FUBP1: variants seen among roughly 807,000 people sequenced by gnomAD.
The protein encoded by FUBP1 is far upstream element binding protein 1.
A neutral mutation model predicts 94.9 loss-of-function variants in FUBP1; 16 were observed. That is an observed-to-expected ratio of 0.17 (90% CI 0.11 to 0.26). The LOEUF (loss-of-function observed/expected upper bound fraction) is 0.26, where lower values mean the gene tolerates loss of function less well. Among genes scored for constraint, FUBP1 ranks in the 10% least tolerant of loss-of-function variants. The pLI, the probability that FUBP1 is intolerant of heterozygous loss-of-function variation, is 1.00. For synonymous variants in FUBP1, 279 were observed against 254.9 expected (o/e 1.09, Z -0.90); for missense variants, 583 against 808.6 (o/e 0.72, Z 3.38).
At chr1:77,966,570 G>A (rs1339259313) in intron 7 of FUBP1, 124 bp downstream of exon 7, 10 of 645,918 alleles carry the variant, frequency 1.5e-5, no homozygotes, top group Non-Finnish European at 2.8e-5. Flanking sequence ...GGAGTTGGAG[G>A]ACTTTGAGGG....
In FUBP1 at chr1:77,968,221, T is replaced by A; in HGVS notation, c.212-18A>T. The A allele has an allele frequency of 6.6e-7, 1 of 1,506,192 alleles. No individual in the cohort carries two copies. Among genetic ancestry groups the A allele is most frequent in the Non-Finnish European group, 8.9e-7 (1 of 1,119,384 alleles). The allele number at this position is 1,506,192 out of a possible 1,614,324, so 93.3% of individuals were successfully genotyped here. A position where few individuals can be genotyped will look rare whatever the true frequency, so the allele number is the denominator to read the frequency against. On this transcript the variant is annotated intron_variant, in intron 2 of 19. Coordinates refer to ENST00000370768, the MANE Select transcript of FUBP1 (RefSeq NM_003902.5). Reference sequence around the variant, plus strand: ...TGGTTGATCTGCAAAATTAAGTGTCTTTTAATTTTTTGCCAATTAAGTACA... The same window carrying A: ...TGGTTGATCTGCAAAATTAAGTGTCATTTAATTTTTTGCCAATTAAGTACA...
intron 19 of FUBP1, 89 bp from the exon 20 acceptor site, chr1:77,948,863 G>A (rs1166309377): frequency 6.4e-7 from 1 of 1,565,932 alleles, no homozygotes; most frequent in Non-Finnish European, 8.8e-7. Flanking sequence ...CTTTAAGAAA[G>A]AAAAAGTGGT....
upstream of FUBP1, chr1:77,979,419 G>T (rs1659408930): frequency 5.6e-6 from 1 of 180,148 alleles, no homozygotes; most frequent in Non-Finnish European, 1.2e-5. Flanking sequence ...CAGGGAGGTA[G>T]TGCGGTAGAA....
chr1:77,973,862 T>A (rs1375995350), intron 1 of FUBP1, among the ~76,000 whole-genome samples: 3 of 152,236 alleles, frequency 2.0e-5, no homozygotes, highest in Non-Finnish European at 4.4e-5. Flanking sequence ...TAATTTTTTT[T>A]AAATTTGCCC....
chr1:77,963,336 CTAA>C lies in FUBP1; in HGVS notation c.1183+235_1183+237del, dbSNP rs368986154. Among the ~76,000 whole-genome samples, 810 of 152,246 alleles carry C rather than the reference CTAA, an allele frequency of 5.3e-3. 4 individuals carry two copies. Among genetic ancestry groups the C allele is most frequent in the South Asian group, 0.023 (111 of 4,826 alleles). On this transcript the variant is annotated intron_variant, in intron 13 of 19. Transcript: ENST00000370768. ...TTTGGGTCAAAAGACATTTCTTATG[CTAA>C]TAATTATCTCTTAGTTCGCTTTCTC...
chr1:77,975,922 C>T (rs1176212488), intron 1 of FUBP1, among the ~76,000 whole-genome samples: 1 of 151,890 alleles, frequency 6.6e-6, no homozygotes, highest in Non-Finnish European at 1.5e-5. Flanking sequence ...ATGTCAACAA[C>T]CAGCTAGAGT....
chr1:77,969,863 C>T (rs982189119), intron 2 of FUBP1, 62 bp downstream of exon 2: 1 of 704,688 alleles, frequency 1.4e-6, no homozygotes, highest in Non-Finnish European at 2.4e-6. Flanking sequence ...CAGAAAAATA[C>T]CGAGAATCAC....
In FUBP1 at chr1:77,967,684, A is replaced by G; in HGVS notation, c.251-18T>C. 1 of 1,478,924 alleles carries G rather than the reference A, an allele frequency of 6.8e-7. No individual in the cohort carries two copies. The highest frequency in any genetic ancestry group is 9.3e-7 in the Non-Finnish European group (1 of 1,070,486). The allele number at this position is 1,478,924 out of a possible 1,614,324, so 91.6% of individuals were successfully genotyped here. A position where few individuals can be genotyped will look rare whatever the true frequency, so the allele number is the denominator to read the frequency against. ...TCCAAAAGCTATCAAAAAATTAAAT[A>G]AAAATAAAACAAAAATTCAAAATTT... On this transcript the variant is annotated intron_variant, in intron 3 of 19. Transcript: ENST00000370768.
chr1:77,975,300 T>C (rs898544310), intron 1 of FUBP1, among the ~76,000 whole-genome samples: 5 of 152,130 alleles, frequency 3.3e-5, no homozygotes, highest in African/African-American at 1.2e-4. Flanking sequence ...ACGTGGACAC[T>C]AGAAATATTA....
chr1:77,956,802 C>T (rs909797599), intron 16 of FUBP1, 102 bp from the exon 17 acceptor site: 2 of 692,326 alleles, frequency 2.9e-6, no homozygotes, highest in Non-Finnish European at 4.5e-6. Context: ...AATATACAGC[C>T]CCCAAAATTA....
At chr1:77,959,813 C>G (rs1655127168) in intron 16 of FUBP1, among the ~76,000 whole-genome samples, 1 of 152,174 alleles carries the variant, frequency 6.6e-6, no homozygotes, top group Admixed American at 6.5e-5. Flanking sequence ...AGTGCCCAGC[C>G]CCTATCACAT....
Position 77,947,944 on chromosome 1 carries a change from C to T in FUBP1, c.*822G>A. The T allele has an allele frequency of 9.9e-7, 1 of 1,012,616 alleles. No homozygotes were observed. The highest frequency in any genetic ancestry group is 1.2e-6 in the Non-Finnish European group (1 of 825,866). 62.7% of individuals were successfully genotyped at this position (1,012,616 alleles called of 1,614,324 possible). ...AAGAGTTGCTTCACATGGAAAAAAACTGTTCTTATTAGACTACTCATATTC... is the reference window on the plus strand; with the variant it reads ...AAGAGTTGCTTCACATGGAAAAAAATTGTTCTTATTAGACTACTCATATTC... On this transcript the variant is annotated 3_prime_UTR_variant, in exon 20 of 20. Coordinates refer to ENST00000370768, the MANE Select transcript of FUBP1 (RefSeq NM_003902.5).
At chr1:77,959,032 A>G (rs1654978126) in intron 16 of FUBP1, among the ~76,000 whole-genome samples, 2 of 152,232 alleles carry the variant, frequency 1.3e-5, no homozygotes, top group South Asian at 4.1e-4. Context: ...AACTCAAGTC[A>G]TGCTTGGTAA....
chr1:77,971,496 T>C (rs1180156915), intron 1 of FUBP1, among the ~76,000 whole-genome samples: 5 of 152,186 alleles, frequency 3.3e-5, no homozygotes, highest in Non-Finnish European at 5.9e-5. Context: ...AGTTCCCATA[T>C]ACTAACTTCA....
intron 2 of FUBP1, 126 bp from the exon 3 acceptor site, chr1:77,968,329 CAA>C (rs565294055): frequency 1.7e-4 from 108 of 622,102 alleles, no homozygotes; most frequent in African/African-American, 1.7e-3. Flanking sequence ...TCATTTGAAC[CAA>C]AACTGCCAAA....
At position 77,965,059 on chromosome 1, in the gene FUBP1, A is replaced by G. The variant is rs1656228890; in HGVS notation, c.636+10T>C. 6.2e-7 allele frequency: 1 copy of G among 1,609,498 alleles called. No individual in the cohort carries two copies. Among genetic ancestry groups the G allele is most frequent in the Non-Finnish European group, 8.5e-7 (1 of 1,176,252 alleles). ...GATCAAAAGTAGCCATTTCACAAAAATAACAATACCTGAAGCTGTTTAATA... is the reference window on the plus strand; with the variant it reads ...GATCAAAAGTAGCCATTTCACAAAAGTAACAATACCTGAAGCTGTTTAATA... On this transcript the variant is annotated intron_variant, in intron 8 of 19. Transcript: ENST00000370768.
intron 1 of FUBP1, among the ~76,000 whole-genome samples, chr1:77,972,948 A>T (rs79016611): frequency 0.027 from 4,082 of 151,544 alleles, 144 homozygotes; most frequent in African/African-American, 0.094. Context: ...CTACTTCAGA[A>T]GCTGAGATGG....
At chr1:77,976,751 C>T (rs969391527) in intron 1 of FUBP1, among the ~76,000 whole-genome samples, 1 of 152,204 alleles carries the variant, frequency 6.6e-6, no homozygotes, top group Non-Finnish European at 1.5e-5. Context: ...CCTCAGCCTC[C>T]CAAAGTGCTG....
Position 77,964,363 on chromosome 1 carries a change from T to TA in FUBP1, c.838-8dup. On this transcript the variant is annotated splice_polypyrimidine_tract_variant and splice_region_variant and intron_variant, in intron 10 of 19. Coordinates refer to ENST00000370768, the MANE Select transcript of FUBP1 (RefSeq NM_003902.5). ...CAAATCTTGGAATGGGGACCTTATG[T>TA]AAAAAAGACTAAGTATTAAGAAAGC... is the stretch of plus-strand genomic sequence containing the variant. 1 of 1,490,244 alleles carries TA rather than the reference T, an allele frequency of 6.7e-7. No homozygotes were observed. 92.3% of individuals were successfully genotyped at this position (1,490,244 alleles called of 1,614,324 possible).
Sources: gnomAD v4.1 joint callset for allele counts (sites outside exome capture counted in the v4.1 genomes callset) on GRCh38, gnomAD v4.1.1 for gene constraint, MANE v1.5 for transcripts, NCBI Gene and HGNC (gene_info 2026-07-23, HGNC 2026-07-21) for gene names.